GRB14: variants seen among roughly 807,000 people sequenced by gnomAD.
The protein encoded by GRB14 is growth factor receptor-bound protein 14.
GRB14 carries 38 observed loss-of-function variants against 69.1 expected under a neutral mutation model. The observed-to-expected ratio is 0.55, with a 90% CI of 0.42 to 0.72. The LOEUF (loss-of-function observed/expected upper bound fraction) is 0.72, where lower values mean the gene tolerates loss of function less well. Among genes scored for constraint, GRB14 ranks in the 30% least tolerant of loss-of-function variants. The pLI is 0.00. For synonymous variants in GRB14, 247 were observed against 241.3 expected (o/e 1.02, Z -0.22); for missense variants, 666 against 666.1 (o/e 1.00, Z 0.00).
intron 2 of GRB14, among the ~76,000 whole-genome samples, chr2:164,550,175 T>C (rs537365309): frequency 2.7e-4 from 41 of 152,262 alleles, no homozygotes; most frequent in African/African-American, 9.4e-4. Context: ...TGTAAGCATA[T>C]AGAATGTTAC....
chr2:164,499,323 A>G (rs548741716), intron 9 of GRB14, among the ~76,000 whole-genome samples: 5 of 152,290 alleles, frequency 3.3e-5, no homozygotes, highest in African/African-American at 1.2e-4. Flanking sequence ...GACACTACAA[A>G]TAAGGAACGT....
At chr2:164,499,373 G>GA (rs1199609076) in intron 9 of GRB14, among the ~76,000 whole-genome samples, 6 of 152,174 alleles carry the variant, frequency 3.9e-5, no homozygotes, top group Middle Eastern at 3.4e-3. Context: ...GAAAACACAG[G>GA]ACTATAGCAA....
chr2:164,585,338 G>A (rs1409015736), intron 2 of GRB14, among the ~76,000 whole-genome samples: 1 of 151,694 alleles, frequency 6.6e-6, no homozygotes, highest in African/African-American at 2.4e-5. Context: ...ATGTTCAAGA[G>A]CAAAACAAGC....
intron 12 of GRB14, among the ~76,000 whole-genome samples, chr2:164,495,037 G>A (rs927077419): frequency 2.0e-5 from 3 of 152,022 alleles, no homozygotes; most frequent in Non-Finnish European, 2.9e-5. Flanking sequence ...CGCCTCCAGG[G>A]TTCAAGCAAT....
At chr2:164,524,396 T>C (rs34734180) in intron 5 of GRB14, among the ~76,000 whole-genome samples, 15,869 of 152,124 alleles carry the variant, frequency 0.1, 971 homozygotes, top group Middle Eastern at 0.17. Context: ...AAATAACCAT[T>C]TCAAGCCACT....
chr2:164,559,786 C>T (rs1688774899), intron 2 of GRB14, among the ~76,000 whole-genome samples: 1 of 152,090 alleles, frequency 6.6e-6, no homozygotes, highest in African/African-American at 2.4e-5. Context: ...GACTTATTTT[C>T]CTCTGGGTAG....
intron 4 of GRB14, 48 bp from the exon 5 acceptor site, chr2:164,525,126 G>T (rs746209027): frequency 1.5e-5 from 19 of 1,232,368 alleles, no homozygotes; most frequent in Middle Eastern, 2.0e-4. Context: ...TGCTAGAAAA[G>T]ATTCAATTAT....
intron 2 of GRB14, among the ~76,000 whole-genome samples, chr2:164,606,122 G>A (rs955411386): frequency 1.3e-5 from 2 of 151,998 alleles, no homozygotes; most frequent in Non-Finnish European, 2.9e-5. Context: ...TAAAGTTAAC[G>A]TTCCAAAAAG....
chr2:164,516,790 G>A (rs186762228), intron 6 of GRB14, among the ~76,000 whole-genome samples: 31 of 152,266 alleles, frequency 2.0e-4, no homozygotes, highest in Admixed American at 1.6e-3. Flanking sequence ...TTGGGATGCC[G>A]AGGTGGGTGG....
At chr2:164,610,936 T>G (rs1396361391) in intron 2 of GRB14, among the ~76,000 whole-genome samples, 5 of 135,274 alleles carry the variant, frequency 3.7e-5, no homozygotes, top group Non-Finnish European at 4.6e-5. Context: ...ATCTCCTGGA[T>G]GAGATGACCT....
chr2:164,592,399 G>A (rs1022398683), intron 2 of GRB14, among the ~76,000 whole-genome samples: 9 of 152,320 alleles, frequency 5.9e-5, no homozygotes, highest in African/African-American at 2.2e-4. Context: ...CTCCCAAAGT[G>A]CTGGGATTAC....
At chr2:164,575,560 A>C (rs1400779545) in intron 2 of GRB14, among the ~76,000 whole-genome samples, 85 of 152,182 alleles carry the variant, frequency 5.6e-4, no homozygotes, top group Non-Finnish European at 7.4e-5. Flanking sequence ...CATGGTATGC[A>C]GTATATACTA....
chr2:164,582,565 C>T (rs1689438788), intron 2 of GRB14, among the ~76,000 whole-genome samples: 1 of 151,966 alleles, frequency 6.6e-6, no homozygotes. Context: ...GGATTACAGT[C>T]ACCCGCCACC....
chr2:164,588,730 C>G (rs757351145), intron 2 of GRB14, among the ~76,000 whole-genome samples: 6 of 152,114 alleles, frequency 3.9e-5, no homozygotes, highest in Non-Finnish European at 7.4e-5. Flanking sequence ...TAAAATCAGC[C>G]TGTATTTTCA....
intron 2 of GRB14, among the ~76,000 whole-genome samples, chr2:164,578,989 A>G (rs1478639554): frequency 6.6e-6 from 1 of 152,220 alleles, no homozygotes; most frequent in East Asian, 1.9e-4. Context: ...TAAGAGAACT[A>G]AAGTATGGAC....
chr2:164,579,674 T>A (rs148088683), intron 2 of GRB14, among the ~76,000 whole-genome samples: 1 of 151,918 alleles, frequency 6.6e-6, no homozygotes, highest in Non-Finnish European at 1.5e-5. Flanking sequence ...GACAGTGGCC[T>A]AATCCCGGAA....
At chr2:164,542,976 A>G (rs892537165) in intron 3 of GRB14, among the ~76,000 whole-genome samples, 2 of 152,148 alleles carry the variant, frequency 1.3e-5, no homozygotes, top group African/African-American at 4.8e-5. Flanking sequence ...AGAATCACTA[A>G]CAGTGGACTG....
At chr2:164,616,200 GGATCATGAGGTCAGGAGATGGA>G (rs1315126074) in intron 2 of GRB14, among the ~76,000 whole-genome samples, 1 of 151,998 alleles carries the variant, frequency 6.6e-6, no homozygotes, top group Non-Finnish European at 1.5e-5. Flanking sequence ...CAAGGCGGGT[GGATCATGAGGTCAGGAGATGGA>G]GATCATCCTG....
intron 6 of GRB14, among the ~76,000 whole-genome samples, chr2:164,521,037 G>T (rs1207230752): frequency 6.6e-6 from 1 of 152,074 alleles, no homozygotes; most frequent in Non-Finnish European, 1.5e-5. Context: ...GTCATTATAT[G>T]AAAAAGATAC....
Sources: gnomAD v4.1 joint callset for allele counts (sites outside exome capture counted in the v4.1 genomes callset) on GRCh38, gnomAD v4.1.1 for gene constraint, MANE v1.5 for transcripts, NCBI Gene and HGNC (gene_info 2026-07-23, HGNC 2026-07-21) for gene names.